Variants in TRAF2 observed in about 807,000 individuals in gnomAD.
TRAF2 encodes the protein TNF receptor-associated factor 2.
Under a neutral mutation model 55.6 loss-of-function variants are expected in TRAF2, and 6 were observed. The observed-to-expected ratio is 0.11, with a 90% CI of 0.06 to 0.21. The LOEUF (loss-of-function observed/expected upper bound fraction) is 0.21, where lower values mean the gene tolerates loss of function less well. Ranked by LOEUF, TRAF2 falls within the 10% of genes least tolerant of loss-of-function variation. The probability of loss-of-function intolerance (pLI) is 1.00; values close to 1 mark genes in which losing one functional copy is unlikely to be tolerated. For synonymous variants in TRAF2, 329 were observed against 276.3 expected, an observed-to-expected ratio of 1.19 and a Z score of -1.89; for missense variants, 561 against 684.5, an observed-to-expected ratio of 0.82 and a Z score of 2.01.
At chr9:136,886,582 C>CGCGGGGTCGGGT (rs1217393513) in intron 1 of TRAF2, 41 bp downstream of exon 1, 38 of 941,288 alleles carry the variant, frequency 4.0e-5, no homozygotes, top group East Asian at 1.2e-4. Context: ...CGGGCGCGGG[C>CGCGGGGTCGGGT]GCGGGGTCGG....
At position 136,924,006 on chromosome 9, in the gene TRAF2, G is replaced by GC; in HGVS notation, c.1287+8dup. 1 of 1,612,330 alleles carries GC rather than the reference G, an allele frequency of 6.2e-7. No individual in the cohort carries two copies. Among genetic ancestry groups the GC allele is most frequent in the South Asian group, 1.1e-5 (1 of 91,012 alleles). On this transcript the variant is annotated splice_region_variant and intron_variant, in intron 10 of 10. Coordinates refer to ENST00000247668, the MANE Select transcript of TRAF2 (RefSeq NM_021138.4). ...GGTGGCCCTTCAACCAGAAGGTGAGGCCGTCCCTGCAGGCTTCGCTAGGGC... is the reference window on the plus strand; with the variant it reads ...GGTGGCCCTTCAACCAGAAGGTGAGGCCCGTCCCTGCAGGCTTCGCTAGGGC...
chr9:136,915,772 CCCA>C (rs1400521453), intron 6 of TRAF2, among the ~76,000 whole-genome samples: 2 of 152,132 alleles, frequency 1.3e-5, no homozygotes, highest in Admixed American at 1.3e-4. Flanking sequence ...ATGACTCCTG[CCCA>C]CTGAATAGTG....
intron 5 of TRAF2, among the ~76,000 whole-genome samples, chr9:136,909,583 G>A (rs1041020551): frequency 6.6e-6 from 1 of 152,132 alleles, no homozygotes; most frequent in African/African-American, 2.4e-5. Context: ...CTGCCCATCC[G>A]CCAGGCCCTC....
chr9:136,910,019 G>A, intron 6 of TRAF2, 25 bp downstream of exon 6: 5 of 1,610,026 alleles, frequency 3.1e-6, no homozygotes, highest in Non-Finnish European at 4.2e-6. Context: ...CCTCCTTGGA[G>A]GACCGCAGGG....
intron 1 of TRAF2, among the ~76,000 whole-genome samples, chr9:136,888,236 G>A (rs1179177588): frequency 6.6e-6 from 1 of 152,224 alleles, no homozygotes; most frequent in African/African-American, 2.4e-5. Context: ...GCTGCATGCA[G>A]ATCAGTGTTC....
Position 136,920,451 on chromosome 9 carries a change from C to G in TRAF2, c.896C>G (p.Thr299Ser), listed in dbSNP as rs764179681. ...CGGGAGGTGGAGAGGGTGGCCATGA[C>G]TGCCGAGGCCTGCAGCCGGCAGCAC... Reference protein sequence around the residue: ...LNREVERVAMTAEACSRQHRL... With the variant: ...LNREVERVAMSAEACSRQHRL... Residue 299 changes from threonine (T) to serine (S), a missense_variant, in exon 8 of 11, where the codon ACT (threonine) becomes AGT (serine). Transcript: ENST00000247668. 1.2e-6 allele frequency: 2 copies of G among 1,613,384 alleles called. No homozygotes were observed. The highest frequency in any genetic ancestry group is 2.7e-5 in the African/African-American group (2 of 74,914).
chr9:136,909,890 C>A (rs756101897), intron 5 of TRAF2, 30 bp from the exon 6 acceptor site: 45 of 1,613,300 alleles, frequency 2.8e-5, no homozygotes, highest in Non-Finnish European at 2.5e-6. Context: ...TTGGCGTCCA[C>A]CCTCACACTC....
At chr9:136,896,886 G>A (rs530015058) in intron 1 of TRAF2, among the ~76,000 whole-genome samples, 1 of 152,314 alleles carries the variant, frequency 6.6e-6, no homozygotes, top group African/African-American at 2.4e-5. Context: ...GAGATTACAG[G>A]CGTGAGAGTT....
At chr9:136,898,240 C>T (rs1849731282) in intron 1 of TRAF2, among the ~76,000 whole-genome samples, 1 of 152,224 alleles carries the variant, frequency 6.6e-6, no homozygotes, top group South Asian at 2.1e-4. Flanking sequence ...TGCCAGCAGG[C>T]AGGCGTCTCC....
chr9:136,899,772 C>G lies in TRAF2; in HGVS notation c.267+100C>G, dbSNP rs184218765. The G allele has an allele frequency of 1.7e-5, 20 of 1,189,692 alleles. No individual in the cohort carries two copies. In the Admixed American group the frequency reaches 2.6e-4, roughly 15 times the overall value. The allele number at this position is 1,189,692 out of a possible 1,614,324, so 73.7% of individuals were successfully genotyped here. On this transcript the variant is annotated intron_variant, in intron 3 of 10. Coordinates refer to ENST00000247668, the MANE Select transcript of TRAF2 (RefSeq NM_021138.4). ...GGGCACAGTGGCTCACACCTGTAATCCCAGCACTTTGGGAGGCCCAGGTAG... is the reference window on the plus strand; with the variant it reads ...GGGCACAGTGGCTCACACCTGTAATGCCAGCACTTTGGGAGGCCCAGGTAG...
chr9:136,918,414 C>T (rs893955087), intron 7 of TRAF2, among the ~76,000 whole-genome samples: 1 of 151,598 alleles, frequency 6.6e-6, no homozygotes, highest in Non-Finnish European at 1.5e-5. Context: ...ATAAAAGGCC[C>T]AAGTAGCTGT....
chr9:136,882,459 G>A (rs1849386073), upstream of TRAF2, among the ~76,000 whole-genome samples: 1 of 152,228 alleles, frequency 6.6e-6, no homozygotes, highest in African/African-American at 2.4e-5. Context: ...CAGGGACACT[G>A]GCACCCTCGT....
chr9:136,915,734 G>A (rs1416398214), intron 6 of TRAF2, among the ~76,000 whole-genome samples: 1 of 152,160 alleles, frequency 6.6e-6, no homozygotes, highest in Non-Finnish European at 1.5e-5. Flanking sequence ...TGGTGTGACC[G>A]AGCCCATCTG....
chr9:136,900,158 G>GACCCCC (rs1370326832), intron 3 of TRAF2, among the ~76,000 whole-genome samples: 1 of 136,756 alleles, frequency 7.3e-6, no homozygotes, highest in Non-Finnish European at 1.5e-5. Flanking sequence ...TACAAAGTGA[G>GACCCCC]ACCCCTCCTT....
At chr9:136,894,917 G>A (rs561034423) in intron 1 of TRAF2, among the ~76,000 whole-genome samples, 32 of 152,350 alleles carry the variant, frequency 2.1e-4, no homozygotes, top group Non-Finnish European at 3.8e-4. Flanking sequence ...CTTCCAACCT[G>A]TAGTGTGCAT....
intron 1 of TRAF2, among the ~76,000 whole-genome samples, chr9:136,892,418 C>T (rs537875807): frequency 1.4e-4 from 21 of 151,964 alleles, no homozygotes; most frequent in Non-Finnish European, 2.6e-4. Flanking sequence ...GAGCCAAGAT[C>T]GCGCCACTGC....
At chr9:136,886,576 CGCGGGCGCGGGGTCGGGT>C (rs1849453652) in intron 1 of TRAF2, 35 bp downstream of exon 1, 27 of 961,296 alleles carry the variant, frequency 2.8e-5, no homozygotes, top group South Asian at 4.7e-5. Context: ...CGGGGTCGGG[CGCGGGCGCGGGGTCGGGT>C]GCGGGGTCGG....
chr9:136,910,457 C>G (rs907201493), intron 6 of TRAF2, among the ~76,000 whole-genome samples: 1 of 152,176 alleles, frequency 6.6e-6, no homozygotes, highest in Non-Finnish European at 1.5e-5. Context: ...GTCCTTACTT[C>G]TTTCAGGAAA....
chr9:136,900,371 C>T, intron 3 of TRAF2, 51 bp from the exon 4 acceptor site: 1 of 1,373,364 alleles, frequency 7.3e-7, no homozygotes, highest in Non-Finnish European at 1.0e-6. Context: ...TCCTTGGTTG[C>T]TGCAGGGAGT....
Sources: allele counts gnomAD v4.1 joint callset (sites outside exome capture counted in the v4.1 genomes callset), GRCh38; gene constraint gnomAD v4.1.1; transcripts MANE v1.5; gene names NCBI Gene and HGNC (gene_info 2026-07-23, HGNC 2026-07-21).